DOCK4: variants seen among roughly 807,000 people sequenced by gnomAD.
The protein encoded by DOCK4 is dedicator of cytokinesis protein 4.
Under a neutral mutation model 268.1 loss-of-function variants are expected in DOCK4, and 97 were observed. The ratio of observed to expected loss-of-function variants is 0.36; its 90% CI spans 0.31 to 0.43. The LOEUF is 0.43. DOCK4 is among the 20% of genes least tolerant of loss of function. The probability of loss-of-function intolerance (pLI) is 1.00; values close to 1 mark genes in which losing one functional copy is unlikely to be tolerated. For synonymous variants in DOCK4, 954 were observed against 887.2 expected (o/e 1.08, Z -1.34); for missense variants, 2,145 against 2,455.7 (o/e 0.87, Z 2.67).
chr7:111,751,757 ATTTT>A (rs530562921), intron 42 of DOCK4, among the ~76,000 whole-genome samples: 2 of 149,002 alleles, frequency 1.3e-5, no homozygotes, highest in Non-Finnish European at 3.0e-5. Context: ...AAAATATATA[ATTTT>A]TTTTTTTTAA....
intron 16 of DOCK4, among the ~76,000 whole-genome samples, chr7:111,879,064 G>A (rs992560130): frequency 5.3e-5 from 8 of 151,928 alleles, no homozygotes; most frequent in Admixed American, 2.0e-4. Flanking sequence ...AGCAACAAAA[G>A]TGACTCCTTC....
intron 27 of DOCK4, among the ~76,000 whole-genome samples, chr7:111,815,254 C>G (rs914355981): frequency 6.6e-6 from 1 of 152,146 alleles, no homozygotes; most frequent in Non-Finnish European, 1.5e-5. Context: ...TATTCAAATG[C>G]TTTTCTTTCA....
intron 13 of DOCK4, among the ~76,000 whole-genome samples, chr7:111,913,937 A>G (rs1488897306): frequency 6.6e-6 from 1 of 152,132 alleles, no homozygotes; most frequent in African/African-American, 2.4e-5. Context: ...AGGTACAGCC[A>G]TGTTGGCTAT....
intron 1 of DOCK4, among the ~76,000 whole-genome samples, chr7:112,115,282 G>A (rs915082183): frequency 6.6e-6 from 1 of 152,174 alleles, no homozygotes; most frequent in Non-Finnish European, 1.5e-5. Context: ...AATTTGAATA[G>A]GGCCTAGCCT....
chr7:111,833,156 T>C (rs1802971433), intron 26 of DOCK4, among the ~76,000 whole-genome samples: 1 of 152,204 alleles, frequency 6.6e-6, no homozygotes, highest in South Asian at 2.1e-4. Context: ...AGTTAATAAA[T>C]GCACAGTTCT....
At chr7:112,105,920 GGCTCAAGCAATGCTCCTT>G (rs1345794540) in intron 1 of DOCK4, among the ~76,000 whole-genome samples, 1 of 152,024 alleles carries the variant, frequency 6.6e-6, no homozygotes, top group African/African-American at 2.4e-5. Flanking sequence ...TGAACTCCTG[GGCTCAAGCAATGCTCCTT>G]CCTCAGCCTC....
intron 12 of DOCK4, 60 bp downstream of exon 12, chr7:111,935,476 GACAA>G (rs1794664861): frequency 2.8e-6 from 4 of 1,428,806 alleles, no homozygotes; most frequent in Non-Finnish European, 4.0e-6. Flanking sequence ...TTCCCAAACA[GACAA>G]ACAAAAAAAA....
At chr7:112,098,081 A>G (rs1019580900) in intron 1 of DOCK4, among the ~76,000 whole-genome samples, 7 of 152,242 alleles carry the variant, frequency 4.6e-5, no homozygotes, top group South Asian at 4.1e-4. Context: ...GAAAAGTCAT[A>G]TGCACTAAAA....
intron 16 of DOCK4, among the ~76,000 whole-genome samples, chr7:111,887,567 G>A (rs1187769376): frequency 6.6e-6 from 1 of 152,106 alleles, no homozygotes; most frequent in East Asian, 1.9e-4. Context: ...CTATAGGGCA[G>A]TCAAGTATGG....
At chr7:111,758,296 G>C (rs1313569276) in intron 41 of DOCK4, among the ~76,000 whole-genome samples, 1 of 152,186 alleles carries the variant, frequency 6.6e-6, no homozygotes, top group Non-Finnish European at 1.5e-5. Context: ...AAATGAATAA[G>C]AGGACTGACT....
At chr7:111,795,056 A>G (rs1799797065) in intron 30 of DOCK4, among the ~76,000 whole-genome samples, 1 of 152,078 alleles carries the variant, frequency 6.6e-6, no homozygotes, top group Non-Finnish European at 1.5e-5. Flanking sequence ...GGAGAGTGCA[A>G]TCACATGTGT....
At chr7:112,177,697 G>C (rs1818653080) in intron 1 of DOCK4, among the ~76,000 whole-genome samples, 1 of 152,054 alleles carries the variant, frequency 6.6e-6, no homozygotes, top group Admixed American at 6.5e-5. Flanking sequence ...TAAATTCATA[G>C]TTGATATGTC....
intron 26 of DOCK4, among the ~76,000 whole-genome samples, chr7:111,828,871 A>AAT (rs1802593336): frequency 3.6e-5 from 5 of 137,332 alleles, no homozygotes; most frequent in African/African-American, 1.3e-4. Flanking sequence ...TAACACTAAA[A>AAT]ATGTGTGTGT....
Position 111,808,806 on chromosome 7 carries a change from C to A in DOCK4, c.3166+15G>T, listed in dbSNP as rs772055761. On this transcript the variant is annotated intron_variant, in intron 30 of 52. Transcript: ENST00000428084. ...GAGCTGTATAGTAGATGTGGCTTCT[C>A]TTTTCCTCACTTACCTAGGTTTTGC... 6.8e-6 allele frequency: 11 copies of A among 1,609,596 alleles called. No individual in the cohort carries two copies. Among genetic ancestry groups the A allele is most frequent in the Non-Finnish European group, 8.5e-6 (10 of 1,177,890 alleles).
At chr7:111,853,705 T>A (rs1804771592) in intron 23 of DOCK4, among the ~76,000 whole-genome samples, 1 of 152,164 alleles carries the variant, frequency 6.6e-6, no homozygotes, top group South Asian at 2.1e-4. Flanking sequence ...AATCCCACCC[T>A]GAATGCCTCC....
intron 52 of DOCK4, among the ~76,000 whole-genome samples, chr7:111,729,728 G>A (rs966516225): frequency 1.3e-5 from 2 of 152,152 alleles, no homozygotes; most frequent in African/African-American, 4.8e-5. Context: ...GGGCCGCTGA[G>A]CACACTCAGC....
Position 111,867,999 on chromosome 7 carries a change from T to C in DOCK4, c.2265A>G (p.Ala755=), listed in dbSNP as rs984829498. 1.2e-6 allele frequency: 2 copies of C among 1,601,134 alleles called. No homozygotes were observed. The highest frequency in any genetic ancestry group is 1.8e-5 in the Admixed American group (1 of 56,662). The stretch of plus-strand genomic sequence containing the variant: ...AAGAAATTACCTGTGACTGAGATAA[T>C]GCTCCAGACCCTTTGCTCTCTTGCG... ...FLSQESKGSG[A]LSQSQAVFLS... Residue 755 remains alanine (A), a synonymous_variant, in exon 22 of 53, where the codon GCA becomes GCG. Transcript: ENST00000428084.
At chr7:111,743,873 G>C (rs1456944124) in intron 44 of DOCK4, among the ~76,000 whole-genome samples, 1 of 152,186 alleles carries the variant, frequency 6.6e-6, no homozygotes, top group Non-Finnish European at 1.5e-5. Context: ...AGGAAGGAAT[G>C]CAGTGGTGTG....
Position 112,168,053 on chromosome 7 carries a change from CA to C in DOCK4, c.37+38048del, listed in dbSNP as rs1040283729. The stretch of plus-strand genomic sequence containing the variant: ...ATCTACCACATGTCACAATTTCTGG[CA>C]AAAAAAAAAAATACTAGTACTCATA... On this transcript the variant is annotated intron_variant, in intron 1 of 52. Coordinates refer to ENST00000428084, the MANE Select transcript of DOCK4 (RefSeq NM_001363540.2). Among the ~76,000 whole-genome samples, 956 of 134,774 alleles carry C rather than the reference CA, an allele frequency of 7.1e-3. 8 individuals are homozygous for C. Among genetic ancestry groups the C allele is most frequent in the African/African-American group, 0.019 (701 of 36,798 alleles). 88.4% of individuals were successfully genotyped at this position (134,774 alleles called of 152,430 possible).
Sources: allele counts gnomAD v4.1 joint callset (sites outside exome capture counted in the v4.1 genomes callset), GRCh38; gene constraint gnomAD v4.1.1; transcripts MANE v1.5; gene names NCBI Gene and HGNC (gene_info 2026-07-23, HGNC 2026-07-21).